The following DLG1 variants were observed in gnomAD, a reference collection of about 807,000 sequenced individuals.
DLG1 encodes the protein disks large homolog 1.
In DLG1, 42 loss-of-function variants were observed where a neutral mutation model predicts 123.4. That is an observed-to-expected ratio of 0.34 (90% CI 0.27 to 0.44). DLG1 has a LOEUF of 0.44. Among genes scored for constraint, DLG1 ranks in the 20% least tolerant of loss-of-function variants. The pLI is 1.00. For missense variants in DLG1, 942 were observed against 1,082.6 expected (o/e 0.87, Z 1.82); for synonymous variants, 317 against 356.2 (o/e 0.89, Z 1.24).
intron 5 of DLG1, among the ~76,000 whole-genome samples, chr3:197,170,031 A>C (rs1457649877): frequency 6.6e-6 from 1 of 152,106 alleles, no homozygotes; most frequent in African/African-American, 2.4e-5. Context: ...TTGTTCCTGC[A>C]TTAGTTTGCT....
intron 13 of DLG1, among the ~76,000 whole-genome samples, chr3:197,111,927 G>A (rs1321081122): frequency 6.6e-6 from 1 of 152,180 alleles, no homozygotes; most frequent in Non-Finnish European, 1.5e-5. Flanking sequence ...TCATTTCAAG[G>A]TCTAGATTAT....
chr3:197,155,508 AGTAAAG>A (rs1234002452), intron 5 of DLG1, among the ~76,000 whole-genome samples: 2 of 152,204 alleles, frequency 1.3e-5, no homozygotes, highest in Admixed American at 6.5e-5. Flanking sequence ...TAAAGATCTC[AGTAAAG>A]GTAAATACAT....
intron 4 of DLG1, among the ~76,000 whole-genome samples, chr3:197,227,964 A>C (rs181482457): frequency 7.5e-4 from 115 of 152,364 alleles, no homozygotes; most frequent in Non-Finnish European, 1.8e-4. Flanking sequence ...ATTTAAAAAT[A>C]CATTTACTAA....
chr3:197,073,738 CTCTG>C (rs780813988), intron 18 of DLG1, among the ~76,000 whole-genome samples: 14 of 152,128 alleles, frequency 9.2e-5, no homozygotes, highest in Non-Finnish European at 1.2e-4. Flanking sequence ...ACTTCTGTTT[CTCTG>C]TCTGCTCTTC....
chr3:197,245,900 T>TGGGGG (rs34147802), intron 4 of DLG1, among the ~76,000 whole-genome samples: 6 of 85,364 alleles, frequency 7.0e-5, no homozygotes, highest in African/African-American at 2.9e-4. Flanking sequence ...TTTTTTTTTT[T>TGGGGG]GGGGGGGGGG....
At chr3:197,072,191 GTTTT>G (rs903556669) in intron 18 of DLG1, among the ~76,000 whole-genome samples, 22 of 151,714 alleles carry the variant, frequency 1.5e-4, no homozygotes, top group Non-Finnish European at 2.4e-4. Context: ...TTTTACCACG[GTTTT>G]TTTTATTTTT....
intron 23 of DLG1, among the ~76,000 whole-genome samples, chr3:197,056,314 C>T (rs1175821818): frequency 6.6e-6 from 1 of 152,046 alleles, no homozygotes; most frequent in Non-Finnish European, 1.5e-5. Flanking sequence ...AGGAATATAC[C>T]CAACTTGGTT....
intron 1 of DLG1, chr3:197,297,855 G>T: frequency 1.0e-6 from 1 of 985,336 alleles, no homozygotes; most frequent in Non-Finnish European, 1.2e-6. Flanking sequence ...GCCAGACTCG[G>T]AGCAGCTCCC....
At chr3:197,194,291 A>G (rs1721239808) in intron 5 of DLG1, 134 bp downstream of exon 5, 4 of 469,458 alleles carry the variant, frequency 8.5e-6, no homozygotes, top group Non-Finnish European at 7.1e-6. Flanking sequence ...GAAATTCTCC[A>G]TAACTATGAA....
At chr3:197,140,337 C>A in intron 7 of DLG1, 73 bp from the exon 8 acceptor site, 1 of 1,468,160 alleles carries the variant, frequency 6.8e-7, no homozygotes. Flanking sequence ...CATTAAAGGA[C>A]GCAGAAACTG....
At chr3:197,240,044 A>C (rs964034122) in intron 4 of DLG1, among the ~76,000 whole-genome samples, 1 of 152,124 alleles carries the variant, frequency 6.6e-6, no homozygotes, top group African/African-American at 2.4e-5. Flanking sequence ...ACTGTCCCTT[A>C]TCTTAGCCCA....
chr3:197,143,991 A>G (rs1415283462), intron 6 of DLG1, among the ~76,000 whole-genome samples: 1 of 152,180 alleles, frequency 6.6e-6, no homozygotes, highest in Non-Finnish European at 1.5e-5. Context: ...CTTCCTTTAA[A>G]ATTTCTCGTG....
intron 3 of DLG1, among the ~76,000 whole-genome samples, chr3:197,284,302 CAT>C (rs1045498182): frequency 2.0e-5 from 3 of 152,170 alleles, no homozygotes; most frequent in Non-Finnish European, 4.4e-5. Flanking sequence ...CGCACACACA[CAT>C]ATGTGCTATG....
intron 3 of DLG1, 25 bp from the exon 4 acceptor site, chr3:197,282,870 A>AT (rs1454952136): frequency 1.0e-5 from 14 of 1,363,014 alleles, no homozygotes; most frequent in African/African-American, 1.5e-5. Context: ...ATAAAAATTC[A>AT]TAAGTATTTA....
intron 4 of DLG1, among the ~76,000 whole-genome samples, chr3:197,238,635 C>T (rs1747267907): frequency 1.3e-5 from 2 of 152,162 alleles, no homozygotes; most frequent in Admixed American, 1.3e-4. Flanking sequence ...CATGAACTAT[C>T]ATCTCCAGCT....
At position 197,055,959 on chromosome 3, in the gene DLG1, T is replaced by C. The variant is rs180825327; in HGVS notation, c.2483+3930A>G. On this transcript the variant is annotated intron_variant, in intron 23 of 24. Coordinates refer to ENST00000667157, the MANE Select transcript of DLG1 (RefSeq NM_001366207.1). ...GCTATTTGGAGGACAGAATCCTTAT[T>C]GTCCACACTGGCTCCCACAAACCCT... 1.6e-3 allele frequency among the ~76,000 whole-genome samples: 250 copies of C among 152,310 alleles called. 1 individual carries two copies. Among genetic ancestry groups the C allele is most frequent in the East Asian group, 2.1e-3 (11 of 5,184 alleles).
chr3:197,225,384 G>A (rs180671036), intron 4 of DLG1, among the ~76,000 whole-genome samples: 1 of 152,218 alleles, frequency 6.6e-6, no homozygotes, highest in Non-Finnish European at 1.5e-5. Context: ...GTAAAGTCAT[G>A]GTTCTTTTGG....
intron 5 of DLG1, among the ~76,000 whole-genome samples, chr3:197,186,460 ATG>A (rs1265342425): frequency 5.9e-5 from 9 of 152,192 alleles, no homozygotes; most frequent in African/African-American, 2.2e-4. Context: ...TTTTTCCGTA[ATG>A]TGTTTTCTTT....
At chr3:197,161,561 AAC>A (rs1798770407) in intron 5 of DLG1, 4 of 883,590 alleles carry the variant, frequency 4.5e-6, no homozygotes, top group South Asian at 2.5e-5. Context: ...AAACAGCTCA[AAC>A]AGTTTTAAAA....
Sources: allele counts gnomAD v4.1 joint callset (sites outside exome capture counted in the v4.1 genomes callset), GRCh38; gene constraint gnomAD v4.1.1; transcripts MANE v1.5; gene names NCBI Gene and HGNC (gene_info 2026-07-23, HGNC 2026-07-21).